POM121C: variants seen among roughly 807,000 people sequenced by gnomAD.
The protein encoded by POM121C is POM121 transmembrane nucleoporin C.
POM121C carries 20 observed loss-of-function variants against 66.4 expected under a neutral mutation model. The ratio of observed to expected loss-of-function variants is 0.30; its 90% CI spans 0.21 to 0.44. The LOEUF is 0.44. Among genes scored for constraint, POM121C ranks in the 20% least tolerant of loss-of-function variants. The probability of loss-of-function intolerance (pLI) is 1.00; values close to 1 mark genes in which losing one functional copy is unlikely to be tolerated. For missense variants in POM121C, 580 were observed against 1,225.7 expected (o/e 0.47, Z 7.87); for synonymous variants, 286 against 528.0 (o/e 0.54, Z 6.28).
rs782039202 is a variant in POM121C, at chr7:75,476,379, G to A, written c.-457-1191C>T. ...CCCAAAGTATTGGGATTACAGGCTTGAGCCAGCATGCCCTGCCCAAACTTG... is the reference window on the plus strand; with the variant it reads ...CCCAAAGTATTGGGATTACAGGCTTAAGCCAGCATGCCCTGCCCAAACTTG... On this transcript the variant is annotated intron_variant, in intron 1 of 14. Transcript: ENST00000615331. 7.4e-4 allele frequency among the ~76,000 whole-genome samples: 112 copies of A among 152,132 alleles called. 1 individual carries two copies. The highest frequency in any genetic ancestry group is 1.5e-3 in the Non-Finnish European group (102 of 68,010).
Position 75,437,598 on chromosome 7 carries a change from T to C in POM121C, c.397A>G (p.Thr133Ala), listed in dbSNP as rs1790465924. 2.5e-6 allele frequency: 4 copies of C among 1,613,952 alleles called. No homozygotes were observed. The highest frequency in any genetic ancestry group is 3.4e-6 in the Non-Finnish European group (4 of 1,179,864). The change falls in exon 7 of 15, where the codon ACA (threonine) becomes GCA (alanine). Residue 133 changes from threonine (T) to alanine (A), a missense_variant. Thr to Ala is a moderately conservative substitution (Grantham distance 58). Coordinates refer to ENST00000615331, the MANE Select transcript of POM121C (RefSeq NM_001099415.3). The part of the protein sequence containing the change: ...RSRSSSMSSL[T>A]GAYTSGIPSS... The stretch of plus-strand genomic sequence containing the variant: ...GGGATGCCACTTGTGTAAGCGCCTG[T>C]CAAGGAGCTCATGGAAGAGCTTCGG...
intron 7 of POM121C, among the ~76,000 whole-genome samples, chr7:75,433,783 ACATAGTATATTTCAACTT>A (rs1336455747): frequency 3.3e-5 from 5 of 152,150 alleles, no homozygotes; most frequent in African/African-American, 1.2e-4. Context: ...TTTCATAGTT[ACATAGTATATTTCAACTT>A]ACACCAATAC....
intron 7 of POM121C, among the ~76,000 whole-genome samples, chr7:75,430,367 A>C (rs1554472189): frequency 6.6e-6 from 1 of 152,232 alleles, no homozygotes; most frequent in East Asian, 1.9e-4. Context: ...ATATATACGG[A>C]CACTTAAATT....
rs587611655 is a variant in POM121C at position 75,437,405 on chromosome 7, T to C, written c.480+110A>G. On this transcript the variant is annotated intron_variant, in intron 7 of 14. Coordinates refer to ENST00000615331, the MANE Select transcript of POM121C (RefSeq NM_001099415.3). ...CTGGGCTCAAGCAATCCTCCCGCTT[T>C]GGCCTTCCAAAGTGCTGGGATTACA... 6 of 1,427,064 alleles carry C rather than the reference T, an allele frequency of 4.2e-6. No homozygotes were observed. The Admixed American group carries it at 6.9e-5, about 16-fold the overall frequency. 88.4% of individuals were successfully genotyped at this position (1,427,064 alleles called of 1,614,324 possible).
intron 5 of POM121C, among the ~76,000 whole-genome samples, chr7:75,440,297 A>G (rs184136001): frequency 0.91 from 138,260 of 151,298 alleles, 63,194 homozygotes; most frequent in East Asian, 0.97. Context: ...GCCGGGCGCC[A>G]TGGCTCAAGC....
At chr7:75,440,143 G>A (rs1466591386) in intron 5 of POM121C, among the ~76,000 whole-genome samples, 2 of 149,296 alleles carry the variant, frequency 1.3e-5, no homozygotes, top group African/African-American at 4.9e-5. Context: ...GGCCTCTCAA[G>A]GTGCTGGGAT....
chr7:75,437,905 C>T (rs1293516160), intron 6 of POM121C, among the ~76,000 whole-genome samples: 1 of 152,132 alleles, frequency 6.6e-6, no homozygotes, highest in Non-Finnish European at 1.5e-5. Context: ...CTGGAAAATG[C>T]ATACCTATCT....
chr7:75,441,563 C>A lies in POM121C; in HGVS notation c.-67G>T. ...CATTCCAGCACACTGTGGGAAGTACCCCCGGACAGGAATACTGGGTCTGAT... is the reference window on the plus strand; with the variant it reads ...CATTCCAGCACACTGTGGGAAGTACACCCGGACAGGAATACTGGGTCTGAT... On this transcript the variant is annotated 5_prime_UTR_variant, in exon 4 of 15. Coordinates refer to ENST00000615331, the MANE Select transcript of POM121C (RefSeq NM_001099415.3). 1 of 1,612,182 alleles carries A rather than the reference C, an allele frequency of 6.2e-7. No individual in the cohort carries two copies.
At position 75,421,054 on chromosome 7, in the gene POM121C, C is replaced by A. The variant is rs145974471; in HGVS notation, c.2743+455G>T. ...GTGTGGCATGATCTTCGCTCACTGCCACCTCCACCTCCTGGGTTGAAACAT... is the reference window on the plus strand; with the variant it reads ...GTGTGGCATGATCTTCGCTCACTGCAACCTCCACCTCCTGGGTTGAAACAT... On this transcript the variant is annotated intron_variant, in intron 13 of 14. Transcript: ENST00000615331. The A allele has an allele frequency of 3.1e-4, 90 of 288,618 alleles. 2 individuals are homozygous for A. Among genetic ancestry groups the A allele is most frequent in the African/African-American group, 1.9e-3 (85 of 44,506 alleles). The allele number at this position is 288,618 out of a possible 1,614,324, so 17.9% of individuals were successfully genotyped here.
At chr7:75,479,935 G>A (rs1278014668) in intron 1 of POM121C, among the ~76,000 whole-genome samples, 1 of 151,658 alleles carries the variant, frequency 6.6e-6, no homozygotes, top group Non-Finnish European at 1.5e-5. Flanking sequence ...TAATCAAAAG[G>A]AAGGAAGACA....
chr7:75,453,536 C>A, intron 3 of POM121C, among the ~76,000 whole-genome samples: 1 of 149,334 alleles, frequency 6.7e-6, no homozygotes, highest in Admixed American at 6.7e-5. Flanking sequence ...GAGCCGAGAT[C>A]ATGCCATCGC....
chr7:75,442,121 T>G (rs1456493893), intron 3 of POM121C: 2 of 1,367,376 alleles, frequency 1.5e-6, no homozygotes, highest in African/African-American at 3.1e-5. Flanking sequence ...CAGAGGATGA[T>G]CTGGGAAAAT....
chr7:75,442,337 A>T (rs1471385881), intron 3 of POM121C: 150 of 1,408,886 alleles, frequency 1.1e-4, no homozygotes, highest in Middle Eastern at 1.0e-3. Context: ...GGGCTTGCCC[A>T]GGTAACTGCC....
chr7:75,474,417 C>G (rs1389908410), intron 3 of POM121C, among the ~76,000 whole-genome samples: 1 of 152,112 alleles, frequency 6.6e-6, no homozygotes, highest in East Asian at 1.9e-4. Context: ...AAAAAACAAA[C>G]AGCCCACAAC....
Position 75,429,408 on chromosome 7 carries a change from G to T in POM121C, c.481-2955C>A, listed in dbSNP as rs191277553. 2.2e-3 allele frequency among the ~76,000 whole-genome samples: 337 copies of T among 152,318 alleles called. 3 individuals carry two copies. Among genetic ancestry groups the T allele is most frequent in the African/African-American group, 7.7e-3 (320 of 41,578 alleles). On this transcript the variant is annotated intron_variant, in intron 7 of 14. Transcript: ENST00000615331. ...GCACTCTGGGAAGCAGAGGCAGGTG[G>T]ATCACTTGAGGTCAGGAGTTTGAGA...
Position 75,467,885 on chromosome 7 carries a change from T to C in POM121C, c.-152+6819A>G, listed in dbSNP as rs190911606. Among the ~76,000 whole-genome samples the C allele has an allele frequency of 5.5e-3, 836 of 151,880 alleles. 8 individuals are homozygous for C. Among genetic ancestry groups the C allele is most frequent in the African/African-American group, 0.019 (778 of 41,468 alleles). ...TGGCTCATGCCTGTAATCCCAGCAC[T>C]TTGGGAGGCCAAGGTGGGCAGATCA... On this transcript the variant is annotated intron_variant, in intron 3 of 14. Coordinates refer to ENST00000615331, the MANE Select transcript of POM121C (RefSeq NM_001099415.3).
intron 7 of POM121C, among the ~76,000 whole-genome samples, chr7:75,428,547 AGACCAGCCT>A: frequency 6.6e-6 from 1 of 152,312 alleles, no homozygotes; most frequent in African/African-American, 2.4e-5. Context: ...CAGGAGTTTC[AGACCAGCCT>A]GGGCAACACA....
chr7:75,478,319 G>A (rs1349738702), intron 1 of POM121C, among the ~76,000 whole-genome samples: 2 of 152,168 alleles, frequency 1.3e-5, no homozygotes, highest in African/African-American at 4.8e-5. Context: ...TTATCTATGA[G>A]TGATGGGAAA....
In POM121C at chr7:75,481,048, A is replaced by AAT. The variant is rs1367716619; in HGVS notation, c.-458+4814_-458+4815dup. Among the ~76,000 whole-genome samples, 14 of 128,078 alleles carry AAT rather than the reference A, an allele frequency of 1.1e-4. No homozygotes were observed. The East Asian group carries it at 2.0e-3, about 19-fold the overall frequency. The allele number at this position is 128,078 out of a possible 152,430, so 84.0% of individuals were successfully genotyped here. The stretch of plus-strand genomic sequence containing the variant: ...TTCAAAAAATATATATATATATATA[A>AAT]ATATATATATATACACATACGTATA... On this transcript the variant is annotated intron_variant, in intron 1 of 14. Coordinates refer to ENST00000615331, the MANE Select transcript of POM121C (RefSeq NM_001099415.3).
Sources: allele counts gnomAD v4.1 joint callset (sites outside exome capture counted in the v4.1 genomes callset), GRCh38; gene constraint gnomAD v4.1.1; transcripts MANE v1.5; gene names NCBI Gene and HGNC (gene_info 2026-07-23, HGNC 2026-07-21).